PCDHGA11: variants seen among roughly 807,000 people sequenced by gnomAD.
PCDHGA11 encodes protocadherin gamma-A11.
PCDHGA11 carries 39 observed loss-of-function variants against 60.4 expected under a neutral mutation model. That is an observed-to-expected ratio of 0.65 (90% confidence interval 0.50 to 0.84). The LOEUF is 0.84. PCDHGA11 is among the 40% of genes least tolerant of loss of function. The pLI is 0.00. For synonymous variants in PCDHGA11, 533 were observed against 510.3 expected, an observed-to-expected ratio of 1.04 and a Z score of -0.60; for missense variants, 1,165 against 1,197.7, an observed-to-expected ratio of 0.97 and a Z score of 0.40.
At chr5:141,430,945 C>G (rs1466092130) in intron 1 of PCDHGA11, 1 of 1,609,234 alleles carries the variant, frequency 6.2e-7, no homozygotes, top group Non-Finnish European at 8.5e-7. Context: ...TCGCGGAGCG[C>G]GGAGTCCGCA....
Position 141,480,177 on chromosome 5 carries a change from G to T in PCDHGA11, c.2434-14630G>T, listed in dbSNP as rs570721769. 4.6e-5 allele frequency among the ~76,000 whole-genome samples: 7 copies of T among 152,066 alleles called. No homozygotes were observed. In the South Asian group the frequency reaches 6.3e-4, roughly 14 times the overall value. ...CTAGCATTTTGGGAGGCTGAGGCAGGCGGATTGCTTGAGGCCAGCAGTTCA... is the reference window on the plus strand; with the variant it reads ...CTAGCATTTTGGGAGGCTGAGGCAGTCGGATTGCTTGAGGCCAGCAGTTCA... On this transcript the variant is annotated intron_variant, in intron 1 of 3. Coordinates refer to ENST00000398587, the MANE Select transcript of PCDHGA11 (RefSeq NM_018914.3).
intron 3 of PCDHGA11, among the ~76,000 whole-genome samples, chr5:141,506,444 C>T (rs542906499): frequency 2.1e-5 from 2 of 95,022 alleles, no homozygotes; most frequent in South Asian, 3.6e-4. Flanking sequence ...CGCTCTGTCT[C>T]AAAAAAAAAA....
rs2099710385 is a variant in PCDHGA11 at position 141,491,296 on chromosome 5, G to A, written c.2434-3511G>A. 6.2e-7 allele frequency: 1 copy of A among 1,614,034 alleles called. No individual in the cohort carries two copies. Among genetic ancestry groups the A allele is most frequent in the African/African-American group, 1.3e-5 (1 of 74,924 alleles). Reference sequence around the variant, plus strand: ...CAGTGACTTCCTCATACACCCTCCTGAGCGTTCAGACCTTACCCTTTACCT... The same window carrying A: ...CAGTGACTTCCTCATACACCCTCCTAAGCGTTCAGACCTTACCCTTTACCT... On this transcript the variant is annotated intron_variant, in intron 1 of 3. Transcript: ENST00000398587. The surrounding 1 kb of genome is among the most constrained non-coding windows in gnomAD (Gnocchi z 6.9).
chr5:141,476,196 A>G lies in PCDHGA11; in HGVS notation c.2434-18611A>G, dbSNP rs2099386612. The G allele has an allele frequency of 6.2e-7, 1 of 1,613,852 alleles. No individual in the cohort carries two copies. Among genetic ancestry groups the G allele is most frequent in the South Asian group, 1.1e-5 (1 of 91,074 alleles). ...GTTTTGCTTCTGCTTGGTGCCTTGA[A>G]CAAGGCTTCCACGGTCATTCACTAT... On this transcript the variant is annotated intron_variant, in intron 1 of 3. Coordinates refer to ENST00000398587, the MANE Select transcript of PCDHGA11 (RefSeq NM_018914.3). This position sits in a 1 kb window ranked among gnomAD's most constrained non-coding sequence, Gnocchi z 7.6.
intron 3 of PCDHGA11, among the ~76,000 whole-genome samples, chr5:141,509,164 C>A (rs1454864362): frequency 6.6e-6 from 1 of 152,188 alleles, no homozygotes; most frequent in Non-Finnish European, 1.5e-5. Context: ...TCCCGTGTGC[C>A]CTCCTCCTCT....
At chr5:141,466,864 C>G (rs925681539) in intron 1 of PCDHGA11, among the ~76,000 whole-genome samples, 24 of 151,910 alleles carry the variant, frequency 1.6e-4, no homozygotes, top group African/African-American at 5.3e-4. Flanking sequence ...TTTTGAAATC[C>G]ACACATTTTT....
chr5:141,429,488 T>TA (rs748742046), intron 1 of PCDHGA11, among the ~76,000 whole-genome samples: 13 of 152,096 alleles, frequency 8.5e-5, no homozygotes, highest in Non-Finnish European at 1.6e-4. Flanking sequence ...TAGCTGAGAC[T>TA]ACAGTTGCCT....
intron 2 of PCDHGA11, among the ~76,000 whole-genome samples, chr5:141,496,631 G>A (rs1434126210): frequency 6.6e-6 from 1 of 152,164 alleles, no homozygotes; most frequent in Admixed American, 6.5e-5. Context: ...CAAAAGGCTT[G>A]GGCTGCCCTT....
In PCDHGA11 at chr5:141,431,184, T is replaced by G. The variant is rs754537015; in HGVS notation, c.2433+7524T>G. The G allele has an allele frequency of 5.6e-6, 9 of 1,614,090 alleles. No homozygotes were observed. Among genetic ancestry groups the G allele is most frequent in the Non-Finnish European group, 6.8e-6 (8 of 1,180,050 alleles). ...CGTGAAAGTGAATTAGAAATAAAAA[T>G]TAGTGAAAATGCAGCCACTGAGATG... On this transcript the variant is annotated intron_variant, in intron 1 of 3. Transcript: ENST00000398587. The surrounding 1 kb of genome is among the most constrained non-coding windows in gnomAD (Gnocchi z 4.8).
At chr5:141,430,405 A>T (rs1163049877) in intron 1 of PCDHGA11, among the ~76,000 whole-genome samples, 1 of 152,124 alleles carries the variant, frequency 6.6e-6, no homozygotes, top group Non-Finnish European at 1.5e-5. Flanking sequence ...AAGCTCACTA[A>T]AGTTTCTATT....
At position 141,477,530 on chromosome 5, in the gene PCDHGA11, C is replaced by A; in HGVS notation, c.2434-17277C>A. The A allele has an allele frequency of 6.2e-7, 1 of 1,614,186 alleles. No homozygotes were observed. The highest frequency in any genetic ancestry group is 1.1e-5 in the South Asian group (1 of 91,082). ...CGTTTACATTGAAGAAAACAACCTCCCCGGGGCTCCAATACTAAACCTAAG... is the reference window on the plus strand; with the variant it reads ...CGTTTACATTGAAGAAAACAACCTCACCGGGGCTCCAATACTAAACCTAAG... On this transcript the variant is annotated intron_variant, in intron 1 of 3. Coordinates refer to ENST00000398587, the MANE Select transcript of PCDHGA11 (RefSeq NM_018914.3). The surrounding 1 kb of genome is among the most constrained non-coding windows in gnomAD (Gnocchi z 4.9).
chr5:141,422,243 T>C lies in PCDHGA11; in HGVS notation c.1016T>C (p.Val339Ala). The C allele has an allele frequency of 7.7e-6, 12 of 1,566,082 alleles. No individual in the cohort carries two copies. Among genetic ancestry groups the C allele is most frequent in the Non-Finnish European group, 1.0e-5 (12 of 1,162,374 alleles). The stretch of plus-strand genomic sequence containing the variant: ...ACCACGACGATGTTGATCACTGTTG[T>C]GGATGTGAATGATAACGCTCCAGAA... ...FTTTTMLITV[V>A]DVNDNAPEIT... is the part of the protein sequence containing the mutation. The change falls in exon 1 of 4, where the codon GTG becomes GCG. Residue 339 changes from valine (V) to alanine (A), a missense_variant. Val to Ala is a moderately conservative substitution (Grantham distance 64). Coordinates refer to ENST00000398587, the MANE Select transcript of PCDHGA11 (RefSeq NM_018914.3).
Position 141,423,275 on chromosome 5 carries a change from C to T in PCDHGA11, c.2048C>T (p.Ala683Val). 1.2e-6 allele frequency: 2 copies of T among 1,614,012 alleles called. No homozygotes were observed. The highest frequency in any genetic ancestry group is 1.7e-6 in the Non-Finnish European group (2 of 1,179,970). ...GACCTCGGCAGCCTCGAGTCTCTGGCTAACTCTGAAACCTCAGACCTCTCG... is the reference window on the plus strand; with the variant it reads ...GACCTCGGCAGCCTCGAGTCTCTGGTTAACTCTGAAACCTCAGACCTCTCG... ...LADLGSLESL[A>V]NSETSDLSLY... The change falls in exon 1 of 4, where the codon GCT becomes GTT. Residue 683 changes from alanine (A) to valine (V), a missense_variant. Physicochemically the swap from Ala to Val is moderately conservative, Grantham distance 64. Transcript: ENST00000398587.
At chr5:141,459,735 T>A (rs114520602) in intron 1 of PCDHGA11, among the ~76,000 whole-genome samples, 1 of 152,374 alleles carries the variant, frequency 6.6e-6, no homozygotes, top group Non-Finnish European at 1.5e-5. Flanking sequence ...GTCAATTTTT[T>A]AAATTTTAGC....
Position 141,476,013 on chromosome 5 carries a change from G to A in PCDHGA11, c.2434-18794G>A. ...AAATCAACGGCATCCAGAAAGCCAT[G>A]TCGGACTCGGCGCCCAGCGCCCAAG... On this transcript the variant is annotated intron_variant, in intron 1 of 3. Coordinates refer to ENST00000398587, the MANE Select transcript of PCDHGA11 (RefSeq NM_018914.3). The surrounding 1 kb of genome is among the most constrained non-coding windows in gnomAD (Gnocchi z 7.6). The A allele has an allele frequency of 7.5e-7, 1 of 1,334,720 alleles. No individual in the cohort carries two copies. The highest frequency in any genetic ancestry group is 1.0e-6 in the Non-Finnish European group (1 of 983,502). 82.7% of individuals were successfully genotyped at this position (1,334,720 alleles called of 1,614,324 possible). A position where few individuals can be genotyped will look rare whatever the true frequency, so the allele number is the denominator to read the frequency against.
rs765887978 is a variant in PCDHGA11 at position 141,486,476 on chromosome 5, C to T, written c.2434-8331C>T. The T allele has an allele frequency of 8.7e-6, 14 of 1,613,934 alleles. No homozygotes were observed. The highest frequency in any genetic ancestry group is 1.7e-5 in the Admixed American group (1 of 60,016). ...TGCTTCTGATGCTGGGAACCCTCCT[C>T]TCAGTACCCACAGAACTATTTTCCT... On this transcript the variant is annotated intron_variant, in intron 1 of 3. Transcript: ENST00000398587. This position sits in a 1 kb window ranked among gnomAD's most constrained non-coding sequence, Gnocchi z 5.0.
At chr5:141,480,942 G>T (rs2099528600) in intron 1 of PCDHGA11, among the ~76,000 whole-genome samples, 3 of 152,132 alleles carry the variant, frequency 2.0e-5, no homozygotes, top group Non-Finnish European at 2.9e-5. Flanking sequence ...CTACTCTAGA[G>T]GCTGAGGCGG....
At chr5:141,488,273 C>A (rs1411817846) in intron 1 of PCDHGA11, among the ~76,000 whole-genome samples, 6 of 152,256 alleles carry the variant, frequency 3.9e-5, no homozygotes, top group East Asian at 1.9e-4. Flanking sequence ...TTGGTCATCA[C>A]CTTTGGAAAA....
At position 141,422,099 on chromosome 5, in the gene PCDHGA11, A is replaced by G. The variant is rs374091819; in HGVS notation, c.872A>G (p.Glu291Gly). ...CGGAACATGGAAAGCAAGGCTTCTG[A>G]AATATTCCAATTGGATTCACAAACT... ...SFRNMESKAS[E>G]IFQLDSQTGE... The change falls in exon 1 of 4, where the codon GAA (glutamate) becomes GGA (glycine). Residue 291 changes from glutamate to glycine, a missense_variant. Physicochemically the swap from Glu to Gly is moderately conservative, Grantham distance 98. Transcript: ENST00000398587. 1.9e-6 allele frequency: 3 copies of G among 1,609,706 alleles called. No homozygotes were observed. The African/African-American group carries it at 4.0e-5, about 22-fold the overall frequency.
Sources: allele counts gnomAD v4.1 joint callset (sites outside exome capture counted in the v4.1 genomes callset), GRCh38; gene constraint gnomAD v4.1.1; non-coding constraint Gnocchi (gnomAD v3.1); transcripts MANE v1.5; gene names NCBI Gene and HGNC (gene_info 2026-07-23, HGNC 2026-07-21).